Variants in CSMD1 observed in about 807,000 individuals in gnomAD.
CSMD1 encodes the protein CUB and Sushi multiple domains 1, also known as CUB and sushi domain-containing protein 1.
CSMD1 carries 213 observed loss-of-function variants against 417.5 expected under a neutral mutation model. That is an observed-to-expected ratio of 0.51 (90% CI 0.46 to 0.57). The LOEUF is 0.57. Among genes scored for constraint, CSMD1 ranks in the 20% least tolerant of loss-of-function variants. The pLI is 0.00. For synonymous variants in CSMD1, 2,862 were observed against 1,736.8 expected, an observed-to-expected ratio of 1.65 and a Z score of -16.11; for missense variants, 6,923 against 4,529.7, an observed-to-expected ratio of 1.53 and a Z score of -15.17.
intron 3 of CSMD1, among the ~76,000 whole-genome samples, chr8:4,219,432 T>C (rs1800885484): frequency 6.6e-6 from 1 of 152,236 alleles, no homozygotes; most frequent in African/African-American, 2.4e-5. Flanking sequence ...AATTGGGCTC[T>C]GATCATAATT....
chr8:3,708,431 C>T lies in CSMD1; in HGVS notation c.992G>A (p.Ser331Asn). Residue 331 changes from serine to asparagine, a missense_variant, in exon 7 of 70, where the codon AGC (serine) becomes AAC (asparagine). By Grantham distance (46) the Ser-to-Asn change is conservative. Coordinates refer to ENST00000635120, the MANE Select transcript of CSMD1 (RefSeq NM_033225.6). Reference protein sequence around the residue: ...GVKMLPSKDGSHKNSVLSQGG... With the variant: ...GVKMLPSKDGNHKNSVLSQGG... ...GGACTCACAGACAGAGTTTTTATGGCTTCCATCCTTGCTGGGCAGCATCTT... is the reference window on the plus strand; with the variant it reads ...GGACTCACAGACAGAGTTTTTATGGTTTCCATCCTTGCTGGGCAGCATCTT... 1.2e-6 allele frequency: 2 copies of T among 1,613,898 alleles called. No homozygotes were observed. The highest frequency in any genetic ancestry group is 1.3e-5 in the African/African-American group (1 of 75,028).
At chr8:4,615,461 T>C (rs1211185844) in intron 2 of CSMD1, among the ~76,000 whole-genome samples, 1 of 152,210 alleles carries the variant, frequency 6.6e-6, no homozygotes, top group Non-Finnish European at 1.5e-5. Context: ...AATTTCCTCA[T>C]TGATTAGGTC....
At chr8:3,017,704 T>C (rs1481206370) in intron 52 of CSMD1, among the ~76,000 whole-genome samples, 2 of 151,942 alleles carry the variant, frequency 1.3e-5, no homozygotes, top group East Asian at 3.9e-4. Context: ...GAACAGGTTT[T>C]GCTATTTGAA....
At chr8:4,669,002 T>G (rs965064324) in intron 1 of CSMD1, among the ~76,000 whole-genome samples, 3 of 152,228 alleles carry the variant, frequency 2.0e-5, no homozygotes, top group African/African-American at 7.2e-5. Flanking sequence ...CTAATCTTCC[T>G]TTTAATCTCA....
chr8:3,175,651 T>C (rs1355776231), intron 37 of CSMD1, among the ~76,000 whole-genome samples: 6 of 148,488 alleles, frequency 4.0e-5, no homozygotes, highest in Admixed American at 3.3e-4. Context: ...TGAGGCCCCG[T>C]TCCCTCTGCA....
At chr8:3,539,747 A>G (rs1274176469) in intron 10 of CSMD1, among the ~76,000 whole-genome samples, 1 of 141,844 alleles carries the variant, frequency 7.1e-6, no homozygotes, top group Non-Finnish European at 1.5e-5. Flanking sequence ...AAGAATCTCT[A>G]GCCCTTTCTT....
intron 4 of CSMD1, among the ~76,000 whole-genome samples, chr8:4,014,837 T>G (rs1194541271): frequency 6.6e-6 from 1 of 152,128 alleles, no homozygotes; most frequent in Admixed American, 6.6e-5. Flanking sequence ...GGTATCTGCA[T>G]GGAATAAAAT....
At position 4,400,936 on chromosome 8, in the gene CSMD1, A is replaced by C. The variant is rs376088718; in HGVS notation, c.415+19017T>G. ...TGACTCAGTACAATACCAACTTCAC[A>C]ACTTTATTTTAGATAATATTATGTC... On this transcript the variant is annotated intron_variant, in intron 3 of 69. Transcript: ENST00000635120. Among the ~76,000 whole-genome samples, 123 of 135,446 alleles carry C rather than the reference A, an allele frequency of 9.1e-4. 5 individuals carry two copies. The South Asian group carries it at 0.029, about 32-fold the overall frequency. The allele number at this position is 135,446 out of a possible 152,430, so 88.9% of individuals were successfully genotyped here.
At chr8:3,007,062 C>G (rs1334127506) in intron 52 of CSMD1, among the ~76,000 whole-genome samples, 10 of 145,088 alleles carry the variant, frequency 6.9e-5, no homozygotes, top group Non-Finnish European at 1.5e-4. Context: ...ACAATGAACT[C>G]AAACAAATTT....
At chr8:3,916,908 T>TA (rs10706011) in intron 5 of CSMD1, among the ~76,000 whole-genome samples, 3 of 151,612 alleles carry the variant, frequency 2.0e-5, no homozygotes, top group Non-Finnish European at 2.9e-5. Context: ...TGAGACATAT[T>TA]AAAAAAAATA....
At chr8:3,773,328 G>T (rs374227383) in intron 5 of CSMD1, among the ~76,000 whole-genome samples, 1 of 152,264 alleles carries the variant, frequency 6.6e-6, no homozygotes, top group East Asian at 1.9e-4. Context: ...CTGTCACCCA[G>T]GCTGGAGTGC....
rs1453238774 is a variant in CSMD1, at chr8:4,177,794, A to G, written c.416-145695T>C. Among the ~76,000 whole-genome samples, 4 of 151,940 alleles carry G rather than the reference A, an allele frequency of 2.6e-5. No homozygotes were observed. In the East Asian group the frequency reaches 7.7e-4, roughly 29 times the overall value. On this transcript the variant is annotated intron_variant, in intron 3 of 69. Transcript: ENST00000635120. ...ATACAAACTGCCATCAGAGAATACT[A>G]CAAACACCTCTACGCAAATAAACTA... is the stretch of plus-strand genomic sequence containing the variant.
chr8:4,477,079 G>A (rs1195695274), intron 2 of CSMD1, among the ~76,000 whole-genome samples: 2 of 152,198 alleles, frequency 1.3e-5, no homozygotes, highest in Admixed American at 6.5e-5. Context: ...CAGGGAGAGG[G>A]AAGAGCAGGT....
chr8:3,882,010 G>A (rs1806237679), intron 5 of CSMD1, among the ~76,000 whole-genome samples: 1 of 152,140 alleles, frequency 6.6e-6, no homozygotes, highest in South Asian at 2.1e-4. Context: ...ATTCTACGAT[G>A]TCTGATGATG....
At chr8:4,107,566 G>C (rs892198205) in intron 3 of CSMD1, among the ~76,000 whole-genome samples, 1 of 152,184 alleles carries the variant, frequency 6.6e-6, no homozygotes, top group African/African-American at 2.4e-5. Context: ...GCACCTGCTG[G>C]CTTCTAATTA....
chr8:3,709,680 G>GT (rs56272726), intron 6 of CSMD1, among the ~76,000 whole-genome samples: 1,153 of 33,654 alleles, frequency 0.034, 205 homozygotes, highest in African/African-American at 0.095. Context: ...GCAGCAGCAT[G>GT]TTTTTTTTTT....
intron 1 of CSMD1, among the ~76,000 whole-genome samples, chr8:4,956,362 G>C (rs547863495): frequency 6.6e-6 from 1 of 150,386 alleles, no homozygotes; most frequent in Non-Finnish European, 1.5e-5. Context: ...CTTGTTTACC[G>C]TAAGATAGGA....
chr8:3,759,575 C>G (rs566804065), intron 5 of CSMD1, among the ~76,000 whole-genome samples: 63 of 151,842 alleles, frequency 4.1e-4, no homozygotes, highest in African/African-American at 1.5e-3. Context: ...TGAACAGAGA[C>G]AAGATTCAAA....
rs1232593779 is a variant in CSMD1 at position 3,190,065 on chromosome 8, A to G, written c.5245T>C (p.Tyr1749His). 1.3e-6 allele frequency: 2 copies of G among 1,596,242 alleles called. No individual in the cohort carries two copies. The highest frequency in any genetic ancestry group is 2.3e-5 in the East Asian group (1 of 44,224). The change falls in exon 34 of 70, where the codon TAC becomes CAC. Residue 1749 changes from tyrosine (Y) to histidine (H), a missense_variant. Tyr to His is a moderately conservative substitution (Grantham distance 83, BLOSUM62 2). Coordinates refer to ENST00000635120, the MANE Select transcript of CSMD1 (RefSeq NM_033225.6). ...AACTCAGAACCAATTCTCCTTCCGT[A>G]TCTGGGCTCGGGGACAGAGCTGCAT... ...TQCSSVPEPRYGRRIGSEFSA... is the reference protein window; with the variant it reads ...TQCSSVPEPRHGRRIGSEFSA...
Sources: allele counts gnomAD v4.1 joint callset (sites outside exome capture counted in the v4.1 genomes callset), GRCh38; gene constraint gnomAD v4.1.1; transcripts MANE v1.5; gene names NCBI Gene and HGNC (gene_info 2026-07-23, HGNC 2026-07-21).